The following ODF2L variants were observed in gnomAD, a reference collection of about 807,000 sequenced individuals.
ODF2L encodes the protein outer dense fiber of sperm tails 2 like, also known as protein BCAP.
In ODF2L, 76 loss-of-function variants were observed where a neutral mutation model predicts 86.3. The observed-to-expected ratio is 0.88, with a 90% CI of 0.73 to 1.07. The LOEUF (loss-of-function observed/expected upper bound fraction) is 1.07. Ranked by LOEUF, ODF2L falls within the 50% of genes least tolerant of loss-of-function variation. The probability of loss-of-function intolerance (pLI) is 0.00; values close to 1 mark genes in which losing one functional copy is unlikely to be tolerated. For missense variants in ODF2L, 748 were observed against 717.4 expected, an observed-to-expected ratio of 1.04 and a Z score of -0.49; for synonymous variants, 241 against 231.3, an observed-to-expected ratio of 1.04 and a Z score of -0.38.
Position 86,351,789 on chromosome 1 carries a change from C to G in ODF2L, c.*402G>C, listed in dbSNP as rs562762669. 1,693 of 508,126 alleles carry G rather than the reference C, an allele frequency of 3.3e-3. 8 individuals carry two copies. Among genetic ancestry groups the G allele is most frequent in the Non-Finnish European group, 3.9e-3 (1,519 of 392,558 alleles). 31.5% of individuals were successfully genotyped at this position (508,126 alleles called of 1,614,324 possible). On this transcript the variant is annotated 3_prime_UTR_variant, in exon 18 of 18. Coordinates refer to ENST00000317336, the Ensembl canonical transcript of ODF2L. ...TCCTTAAGCAGTGGTTTGTAGTTCTCCTTGAAGAGGTCCTTCACATTCCTT... is the reference window on the plus strand; with the variant it reads ...TCCTTAAGCAGTGGTTTGTAGTTCTGCTTGAAGAGGTCCTTCACATTCCTT...
intron 8 of ODF2L, among the ~76,000 whole-genome samples, chr1:86,373,253 A>G (rs1659932858): frequency 6.6e-6 from 1 of 151,642 alleles, no homozygotes; most frequent in African/African-American, 2.4e-5. Flanking sequence ...ACAATATTTC[A>G]TAATTAAGAT....
chr1:86,354,574 A>G (rs916152397), exon 16 of ODF2L: 1 of 1,609,208 alleles, frequency 6.2e-7, no homozygotes, highest in Non-Finnish European at 8.5e-7. Flanking sequence ...TGTCTGGCCA[A>G]TGCTGTATAC....
At chr1:86,394,605 T>C (rs1044130863) in intron 1 of ODF2L, among the ~76,000 whole-genome samples, 1 of 152,056 alleles carries the variant, frequency 6.6e-6, no homozygotes, top group African/African-American at 2.4e-5. Flanking sequence ...ACTACAATTC[T>C]AAAGAGAGAG....
At chr1:86,381,458 G>A (rs148367750) in intron 7 of ODF2L, among the ~76,000 whole-genome samples, 148 of 151,882 alleles carry the variant, frequency 9.7e-4, no homozygotes, top group Admixed American at 3.0e-3. Flanking sequence ...ACCCAAACTC[G>A]AGTATGGTTT....
In ODF2L at chr1:86,385,457, C is replaced by T; in HGVS notation, c.246+1G>A. Reference sequence around the variant, plus strand: ...TTATTATATATTCATAAGTCACTCACATTTTCAAAATTAATCTTTTCAATG... The same window carrying T: ...TTATTATATATTCATAAGTCACTCATATTTTCAAAATTAATCTTTTCAATG... On this transcript the variant is annotated splice_donor_variant, in intron 3 of 17. Coordinates refer to ENST00000317336, the Ensembl canonical transcript of ODF2L. LOFTEE classifies it high-confidence loss of function. 1.9e-6 allele frequency: 3 copies of T among 1,564,806 alleles called. No individual in the cohort carries two copies. The highest frequency in any genetic ancestry group is 1.1e-5 in the South Asian group (1 of 89,036).
intron 1 of ODF2L, among the ~76,000 whole-genome samples, chr1:86,390,965 G>C (rs911379813): frequency 6.6e-6 from 1 of 152,094 alleles, no homozygotes; most frequent in Non-Finnish European, 1.5e-5. Flanking sequence ...TCCTAGAACT[G>C]ATAAATTCAG....
chr1:86,347,513 T>C (rs1657871230), downstream of ODF2L: 1 of 152,196 alleles, frequency 6.6e-6, no homozygotes, highest in Non-Finnish European at 1.5e-5. Context: ...ATGTGGCCAG[T>C]TCTGACACTC....
At chr1:86,375,147 A>G (rs1035065554) in intron 8 of ODF2L, 9 of 152,198 alleles carry the variant, frequency 5.9e-5, no homozygotes, top group Admixed American at 3.3e-4. Flanking sequence ...AGAGATGTCA[A>G]TTGAAAAGAT....
At chr1:86,381,782 G>A (rs192169568) in intron 7 of ODF2L, among the ~76,000 whole-genome samples, 205 of 151,952 alleles carry the variant, frequency 1.3e-3, no homozygotes, top group Non-Finnish European at 1.9e-3. Flanking sequence ...ATCAAAGTTG[G>A]GCTGATTTTA....
At chr1:86,373,084 C>T (rs572707388) in intron 8 of ODF2L, among the ~76,000 whole-genome samples, 8 of 152,164 alleles carry the variant, frequency 5.3e-5, no homozygotes, top group African/African-American at 1.9e-4. Flanking sequence ...TCCAGGTAAC[C>T]AGAAACGACC....
At chr1:86,384,826 C>G in intron 3 of ODF2L, 25 bp from the exon 4 acceptor site, 1 of 1,476,866 alleles carries the variant, frequency 6.8e-7, no homozygotes, top group Non-Finnish European at 9.0e-7. Flanking sequence ...GAACCACATA[C>G]ACATTTTAAG....
At chr1:86,381,055 T>A (rs1479936246) in intron 7 of ODF2L, among the ~76,000 whole-genome samples, 3 of 151,912 alleles carry the variant, frequency 2.0e-5, no homozygotes, top group East Asian at 3.9e-4. Flanking sequence ...ATGCCTTAAA[T>A]CCAAAAGTGT....
rs1570392880 is a variant in ODF2L at position 86,370,892 on chromosome 1, A to G, written c.1056+126T>C. On this transcript the variant is annotated intron_variant, in intron 10 of 17. Coordinates refer to ENST00000317336, the Ensembl canonical transcript of ODF2L. ...GTACTGCTGAAAACATAATATCCTG[A>G]CAAGCATAGAAGACAGAATTATACA... The G allele has an allele frequency of 1.6e-5, 8 of 515,368 alleles. No homozygotes were observed. In the East Asian group the frequency reaches 2.6e-4, roughly 16 times the overall value. The allele number at this position is 515,368 out of a possible 1,614,324, so 31.9% of individuals were successfully genotyped here.
chr1:86,360,062 A>G (rs1658922700), intron 12 of ODF2L, among the ~76,000 whole-genome samples: 1 of 152,204 alleles, frequency 6.6e-6, no homozygotes, highest in African/African-American at 2.4e-5. Context: ...GGCATAATGA[A>G]CTTTAATGAC....
At chr1:86,358,678 C>T in intron 13 of ODF2L, 109 bp downstream of exon 12, 1 of 462,932 alleles carries the variant, frequency 2.2e-6, no homozygotes, top group Non-Finnish European at 3.8e-6. Flanking sequence ...CTAAGACTAG[C>T]CCTTTCCTAA....
At chr1:86,395,744 C>A (rs1661691723) in intron 1 of ODF2L, among the ~76,000 whole-genome samples, 1 of 152,198 alleles carries the variant, frequency 6.6e-6, no homozygotes, top group Admixed American at 6.5e-5. Context: ...AGGAACGGCC[C>A]GGTCAGGACT....
downstream of ODF2L, chr1:86,348,972 A>G: frequency 3.1e-6 from 4 of 1,276,316 alleles, no homozygotes; most frequent in Non-Finnish European, 4.1e-6. Flanking sequence ...TACAATAACT[A>G]GATAATTCTT....
Position 86,385,335 on chromosome 1 carries a change from C to A in ODF2L, c.246+123G>T, listed in dbSNP as rs534845002. On this transcript the variant is annotated intron_variant, in intron 3 of 17. Coordinates refer to ENST00000317336, the Ensembl canonical transcript of ODF2L. ...CACAGGAATAAAGAATTCTGATAAA[C>A]CCTCATTTTTGGTATGAAATACTCA... 1.6e-5 allele frequency: 9 copies of A among 568,234 alleles called. No individual in the cohort carries two copies. The South Asian group carries it at 1.9e-4, about 12-fold the overall frequency. The allele number at this position is 568,234 out of a possible 1,614,324, so 35.2% of individuals were successfully genotyped here. A position where few individuals can be genotyped will look rare whatever the true frequency, so the allele number is the denominator to read the frequency against.
chr1:86,380,251 A>C (rs1031646784), intron 7 of ODF2L, among the ~76,000 whole-genome samples: 1 of 152,174 alleles, frequency 6.6e-6, no homozygotes, highest in Non-Finnish European at 1.5e-5. Context: ...TAAAATTGAG[A>C]TTAAGAAGTA....
Sources: gnomAD v4.1 joint callset for allele counts (sites outside exome capture counted in the v4.1 genomes callset) on GRCh38, gnomAD v4.1.1 for gene constraint, MANE v1.5 for transcripts, NCBI Gene and HGNC (gene_info 2026-07-23, HGNC 2026-07-21) for gene names.